The following WRN variants were observed in gnomAD, a reference collection of about 807,000 sequenced individuals.
WRN encodes WRN RecQ like helicase.
A neutral mutation model predicts 180.7 loss-of-function variants in WRN; 149 were observed. The observed-to-expected ratio is 0.82, with a 90% confidence interval of 0.72 to 0.94. The LOEUF is 0.94. Ranked by LOEUF, WRN falls within the 40% of genes least tolerant of loss-of-function variation. The pLI, the probability that WRN is intolerant of heterozygous loss-of-function variation, is 0.00. For missense variants in WRN, 1,661 were observed against 1,700.1 expected (o/e 0.98, Z 0.40); for synonymous variants, 548 against 568.9 (o/e 0.96, Z 0.52).
intron 33 of WRN, among the ~76,000 whole-genome samples, chr8:31,159,134 T>C (rs1053579401): frequency 1.1e-4 from 16 of 151,612 alleles, no homozygotes; most frequent in African/African-American, 3.6e-4. Flanking sequence ...CCCCCATCTC[T>C]ACAAAAAATA....
chr8:31,112,150 C>T (rs1171122656), intron 19 of WRN, among the ~76,000 whole-genome samples: 3 of 152,146 alleles, frequency 2.0e-5, no homozygotes, highest in African/African-American at 4.8e-5. Flanking sequence ...TCACAACTCA[C>T]TGCAGCCTCA....
Position 31,147,387 on chromosome 8 carries a change from A to G in WRN, c.3483A>G (p.Val1161=). 6.2e-7 allele frequency: 1 copy of G among 1,614,086 alleles called. No homozygotes were observed. Among genetic ancestry groups the G allele is most frequent in the East Asian group, 2.2e-5 (1 of 44,850 alleles). Residue 1161 remains valine (V), a synonymous_variant, in exon 30 of 35, where the codon GTA becomes GTG. Coordinates refer to ENST00000298139, the MANE Select transcript of WRN (RefSeq NM_000553.6). ...AGATTGTGTTATATGGCAAATTGGT[A>G]GAAGCTAGGCAGAAACATGCCAATA... ...ETQIVLYGKL[V]EARQKHANKM...
chr8:31,141,417 T>G lies in WRN; in HGVS notation c.2968-13T>G. 1.2e-6 allele frequency: 2 copies of G among 1,614,008 alleles called. No individual in the cohort carries two copies. The highest frequency in any genetic ancestry group is 1.7e-6 in the Non-Finnish European group (2 of 1,180,010). On this transcript the variant is annotated splice_polypyrimidine_tract_variant and intron_variant, in intron 24 of 34. Coordinates refer to ENST00000298139, the MANE Select transcript of WRN (RefSeq NM_000553.6). ...TTAGCATTTTTAGATACTGATTTTATTCCTAATTTCAGAATTCTCAGCGTC... is the reference window on the plus strand; with the variant it reads ...TTAGCATTTTTAGATACTGATTTTAGTCCTAATTTCAGAATTCTCAGCGTC...
At chr8:31,169,460 A>G (rs1283861060) in intron 34 of WRN, among the ~76,000 whole-genome samples, 2 of 151,224 alleles carry the variant, frequency 1.3e-5, no homozygotes, top group African/African-American at 2.4e-5. Flanking sequence ...GAACTTTTCT[A>G]ATTTTGATTT....
chr8:31,131,248 C>CA (rs1447070379), intron 23 of WRN, among the ~76,000 whole-genome samples: 2 of 148,766 alleles, frequency 1.3e-5, no homozygotes, highest in East Asian at 4.1e-4. Flanking sequence ...CTCCGCCTCT[C>CA]AGATTCAAGC....
At chr8:31,081,572 C>T (rs1813313783) in intron 9 of WRN, among the ~76,000 whole-genome samples, 1 of 152,110 alleles carries the variant, frequency 6.6e-6, no homozygotes, top group African/African-American at 2.4e-5. Flanking sequence ...TGATATGCAG[C>T]ATTGTGTAGT....
chr8:31,076,981 G>A (rs1185896064), intron 8 of WRN, among the ~76,000 whole-genome samples: 1 of 152,110 alleles, frequency 6.6e-6, no homozygotes, highest in Non-Finnish European at 1.5e-5. Flanking sequence ...GAATGCTCTG[G>A]AACAATGAAC....
chr8:31,058,306 G>C, intron 1 of WRN, 66 bp from the exon 2 acceptor site: 2 of 683,388 alleles, frequency 2.9e-6, no homozygotes, highest in Non-Finnish European at 5.2e-6. Context: ...CTTGGACCTA[G>C]GTGTCATAAC....
chr8:31,166,973 A>G (rs775794973), intron 33 of WRN, 49 bp from the exon 34 acceptor site: 1 of 1,546,906 alleles, frequency 6.5e-7, no homozygotes, highest in South Asian at 1.2e-5. Context: ...GGTTTTCTAA[A>G]ATATTCTCTG....
At position 31,080,726 on chromosome 8, in the gene WRN, G is replaced by A. The variant is rs1813268317; in HGVS notation, c.840-141G>A. 3 of 686,984 alleles carry A rather than the reference G, an allele frequency of 4.4e-6. No individual in the cohort carries two copies. In the East Asian group the frequency reaches 8.2e-5, roughly 19 times the overall value. The allele number at this position is 686,984 out of a possible 1,614,324, so 42.6% of individuals were successfully genotyped here. A position where few individuals can be genotyped will look rare whatever the true frequency, so the allele number is the denominator to read the frequency against. ...GCTGTAATTATATATGGGCATTAGG[G>A]AATGAAGAACAGCCTTAATACTATT... On this transcript the variant is annotated intron_variant, in intron 8 of 34. Transcript: ENST00000298139.
At chr8:31,107,063 G>A (rs1293978489) in intron 18 of WRN, among the ~76,000 whole-genome samples, 1 of 152,184 alleles carries the variant, frequency 6.6e-6, no homozygotes, top group Non-Finnish European at 1.5e-5. Context: ...CTGCCCTCAG[G>A]TAGCTCATAG....
intron 20 of WRN, among the ~76,000 whole-genome samples, chr8:31,116,992 A>G (rs1801547400): frequency 6.6e-6 from 1 of 152,126 alleles, no homozygotes; most frequent in Non-Finnish European, 1.5e-5. Context: ...GGCACAAAGT[A>G]TGGACAAAGA....
intron 1 of WRN, 24 bp from the exon 2 acceptor site, chr8:31,058,348 C>T: frequency 1.0e-6 from 1 of 976,974 alleles, no homozygotes; most frequent in Non-Finnish European, 1.6e-6. Context: ...GGTTTTCATT[C>T]ATATTGACAG....
intron 18 of WRN, among the ~76,000 whole-genome samples, chr8:31,105,894 A>C (rs1801076931): frequency 6.6e-6 from 1 of 152,128 alleles, no homozygotes; most frequent in Admixed American, 6.6e-5. Context: ...CTATTAGTTC[A>C]TTTTAGCCAT....
At chr8:31,090,798 T>G in intron 14 of WRN, 36 bp from the exon 15 acceptor site, 1 of 1,501,570 alleles carries the variant, frequency 6.7e-7, no homozygotes, top group Non-Finnish European at 9.1e-7. Flanking sequence ...TTTCTATATT[T>G]TTTTCATTTT....
At position 31,040,660 on chromosome 8, in the gene WRN, T is replaced by C. The variant is rs530440036; in HGVS notation, c.-77+6687T>C. Among the ~76,000 whole-genome samples the C allele has an allele frequency of 4.6e-5, 7 of 152,268 alleles. No individual in the cohort carries two copies. In the East Asian group the frequency reaches 1.2e-3, roughly 25 times the overall value. On this transcript the variant is annotated intron_variant, in intron 1 of 34. Transcript: ENST00000298139. ...ATAGGATTTGACAACATAAAAGTCATTGGAAACCTTGACATGAGCCCTTTT... is the reference window on the plus strand; with the variant it reads ...ATAGGATTTGACAACATAAAAGTCACTGGAAACCTTGACATGAGCCCTTTT...
intron 31 of WRN, 126 bp downstream of exon 31, chr8:31,150,581 G>T (rs980552009): frequency 2.8e-5 from 22 of 785,480 alleles, no homozygotes; most frequent in Non-Finnish European, 4.3e-6. Context: ...CTTAGAAAAT[G>T]AATTAAAATT....
intron 33 of WRN, among the ~76,000 whole-genome samples, chr8:31,163,638 G>T (rs1803724555): frequency 6.6e-6 from 1 of 151,886 alleles, no homozygotes; most frequent in Non-Finnish European, 1.5e-5. Flanking sequence ...TTTATTTATT[G>T]AGTGTCTTTA....
At chr8:31,146,993 TAGAA>T (rs1802878899) in intron 28 of WRN, 56 bp from the exon 29 acceptor site, 2 of 1,402,316 alleles carry the variant, frequency 1.4e-6, no homozygotes, top group African/African-American at 2.9e-5. Flanking sequence ...GGGGATGAAA[TAGAA>T]AGTCAATGAG....
Sources: allele counts gnomAD v4.1 joint callset (sites outside exome capture counted in the v4.1 genomes callset), GRCh38; gene constraint gnomAD v4.1.1; transcripts MANE v1.5; gene names NCBI Gene and HGNC (gene_info 2026-07-23, HGNC 2026-07-21).